SNTG2: variants seen among roughly 807,000 people sequenced by gnomAD.
The protein encoded by SNTG2 is gamma-2-syntrophin.
Under a neutral mutation model 70.9 loss-of-function variants are expected in SNTG2, and 74 were observed. That is an observed-to-expected ratio of 1.04 (90% CI 0.86 to 1.27). SNTG2 has a LOEUF of 1.27. SNTG2 is among the 50% of genes most tolerant of loss of function. The probability of loss-of-function intolerance (pLI) is 0.00; values close to 1 mark genes in which losing one functional copy is unlikely to be tolerated. For synonymous variants in SNTG2, 278 were observed against 273.8 expected, an observed-to-expected ratio of 1.02 and a Z score of -0.15; for missense variants, 717 against 690.7, an observed-to-expected ratio of 1.04 and a Z score of -0.43.
chr2:1,132,389 G>A (rs188974818), intron 4 of SNTG2, among the ~76,000 whole-genome samples: 2 of 152,058 alleles, frequency 1.3e-5, no homozygotes, highest in Non-Finnish European at 2.9e-5. Flanking sequence ...CTTTCCAGAC[G>A]CCTGGAATTG....
chr2:1,133,915 C>T lies in SNTG2; in HGVS notation c.326-3707C>T, dbSNP rs892339122. ...CTTCAAGAATGAAGCCGCGGACCCTCGCGGTGAGTGTTACAGTAAAGATGG... is the reference window on the plus strand; with the variant it reads ...CTTCAAGAATGAAGCCGCGGACCCTTGCGGTGAGTGTTACAGTAAAGATGG... On this transcript the variant is annotated intron_variant, in intron 4 of 16. Coordinates refer to ENST00000308624, the MANE Select transcript of SNTG2 (RefSeq NM_018968.4). 1.9e-4 allele frequency among the ~76,000 whole-genome samples: 29 copies of T among 148,968 alleles called. No homozygotes were observed. The East Asian group carries it at 1.9e-3, about 10-fold the overall frequency.
intron 1 of SNTG2, among the ~76,000 whole-genome samples, chr2:985,188 C>A (rs1428564723): frequency 2.0e-5 from 3 of 152,154 alleles, no homozygotes; most frequent in Admixed American, 2.0e-4. Flanking sequence ...AGCACGGACT[C>A]CCCTCCAGGA....
At chr2:1,329,774 C>T (rs976617349) in intron 16 of SNTG2, among the ~76,000 whole-genome samples, 5 of 151,874 alleles carry the variant, frequency 3.3e-5, no homozygotes, top group African/African-American at 4.8e-5. Flanking sequence ...AGGCCTTTGA[C>T]GCTTATTGAC....
intron 1 of SNTG2, among the ~76,000 whole-genome samples, chr2:1,061,241 G>A (rs369237425): frequency 7.2e-5 from 11 of 152,330 alleles, no homozygotes; most frequent in East Asian, 5.8e-4. Context: ...GCACAAAGCC[G>A]TGTGATCCTG....
At chr2:986,556 C>G (rs553016458) in intron 1 of SNTG2, among the ~76,000 whole-genome samples, 2 of 152,344 alleles carry the variant, frequency 1.3e-5, no homozygotes, top group South Asian at 4.1e-4. Context: ...ACCTTCTGGA[C>G]AGCTCAGGAT....
chr2:1,268,992 G>A lies in SNTG2; in HGVS notation c.1284+1421G>A, dbSNP rs543973443. 1.2e-4 allele frequency among the ~76,000 whole-genome samples: 18 copies of A among 152,310 alleles called. No individual in the cohort carries two copies. In the South Asian group the frequency reaches 3.7e-3, roughly 32 times the overall value. ...GGCCATTCAGACTCATCTATGGGAA[G>A]GTGACAGGTTACAGGAGAAGATATC... On this transcript the variant is annotated intron_variant, in intron 14 of 16. Coordinates refer to ENST00000308624, the MANE Select transcript of SNTG2 (RefSeq NM_018968.4).
chr2:1,221,463 C>G (rs1402369367), intron 9 of SNTG2, among the ~76,000 whole-genome samples: 4 of 101,170 alleles, frequency 4.0e-5, no homozygotes, highest in African/African-American at 1.6e-4. Context: ...CTCTCTGTCT[C>G]TGTCTCTCTG....
intron 1 of SNTG2, among the ~76,000 whole-genome samples, chr2:952,082 A>G (rs1306528417): frequency 6.6e-6 from 1 of 152,246 alleles, no homozygotes; most frequent in Non-Finnish European, 1.5e-5. Flanking sequence ...TCTTCATTCA[A>G]GTAGCACCTT....
intron 10 of SNTG2, among the ~76,000 whole-genome samples, chr2:1,238,855 G>A (rs1676858979): frequency 6.6e-6 from 1 of 152,222 alleles, no homozygotes; most frequent in South Asian, 2.1e-4. Flanking sequence ...CTGCGGCCCT[G>A]CAGATGCACC....
chr2:1,319,356 G>GA lies in SNTG2; in HGVS notation c.1488+2990dup, dbSNP rs552254180. ...TAAACAATTTGTGGAAATTTTTTAT[G>GA]AAAAAAAAATGTAAAACTGCAAATA... On this transcript the variant is annotated intron_variant, in intron 16 of 16. Transcript: ENST00000308624. Among the ~76,000 whole-genome samples the GA allele has an allele frequency of 4.0e-3, 603 of 151,254 alleles. 3 individuals carry two copies. The highest frequency in any genetic ancestry group is 0.014 in the Middle Eastern group (4 of 294).
intron 6 of SNTG2, among the ~76,000 whole-genome samples, chr2:1,148,755 C>T (rs1271353595): frequency 3.9e-5 from 6 of 152,166 alleles, no homozygotes; most frequent in East Asian, 1.9e-4. Context: ...TCTTCCAAGC[C>T]GGACCCACAT....
At chr2:1,021,579 C>T (rs1381402932) in intron 1 of SNTG2, among the ~76,000 whole-genome samples, 1 of 151,420 alleles carries the variant, frequency 6.6e-6, no homozygotes, top group Non-Finnish European at 1.5e-5. Flanking sequence ...TTATTTTTTG[C>T]CTTGACTTCT....
chr2:1,093,045 G>A (rs779665461), intron 2 of SNTG2, among the ~76,000 whole-genome samples: 1 of 152,122 alleles, frequency 6.6e-6, no homozygotes, highest in African/African-American at 2.4e-5. Flanking sequence ...TGATACATTC[G>A]ATTGTATTCT....
At chr2:1,162,071 CAAAAAAAA>C (rs58579024) in intron 6 of SNTG2, among the ~76,000 whole-genome samples, 3 of 89,800 alleles carry the variant, frequency 3.3e-5, no homozygotes, top group Non-Finnish European at 6.2e-5. Flanking sequence ...GACTCCGTCT[CAAAAAAAA>C]AAAAAAAAAA....
intron 1 of SNTG2, among the ~76,000 whole-genome samples, chr2:963,410 A>G (rs767031582): frequency 6.6e-6 from 1 of 152,182 alleles, no homozygotes; most frequent in South Asian, 2.1e-4. Context: ...TTTTCTAAAC[A>G]TTAGTTCTTC....
At chr2:1,041,375 TCTA>T (rs1427064357) in intron 1 of SNTG2, among the ~76,000 whole-genome samples, 1 of 152,228 alleles carries the variant, frequency 6.6e-6, no homozygotes, top group African/African-American at 2.4e-5. Flanking sequence ...AAGGATCCAA[TCTA>T]CTGTTTTTGT....
chr2:1,041,560 T>G (rs1661438132), intron 1 of SNTG2, among the ~76,000 whole-genome samples: 2 of 152,208 alleles, frequency 1.3e-5, no homozygotes, highest in Admixed American at 1.3e-4. Flanking sequence ...CGATTCTTCG[T>G]GGCTTGGTGC....
intron 1 of SNTG2, among the ~76,000 whole-genome samples, chr2:1,005,727 C>T (rs1336371358): frequency 6.7e-6 from 1 of 149,194 alleles, no homozygotes; most frequent in Non-Finnish European, 1.5e-5. Context: ...TTGCTTGAAG[C>T]TGGGAGGCGG....
intron 14 of SNTG2, among the ~76,000 whole-genome samples, chr2:1,291,012 G>A (rs1303712406): frequency 6.6e-6 from 1 of 152,166 alleles, no homozygotes; most frequent in Non-Finnish European, 1.5e-5. Flanking sequence ...GTTATTTTCT[G>A]TTGTATTTGC....
Sources: gnomAD v4.1 joint callset for allele counts (sites outside exome capture counted in the v4.1 genomes callset) on GRCh38, gnomAD v4.1.1 for gene constraint, MANE v1.5 for transcripts, NCBI Gene and HGNC (gene_info 2026-07-23, HGNC 2026-07-21) for gene names.